The following DENND4A variants were observed in gnomAD, a reference collection of about 807,000 sequenced individuals.
The protein encoded by DENND4A is C-myc promoter-binding protein.
Under a neutral mutation model 199.3 loss-of-function variants are expected in DENND4A, and 70 were observed. The ratio of observed to expected loss-of-function variants is 0.35; its 90% CI spans 0.29 to 0.43. The LOEUF (loss-of-function observed/expected upper bound fraction) is 0.43, where lower values mean the gene tolerates loss of function less well. DENND4A is among the 20% of genes least tolerant of loss of function. The probability of loss-of-function intolerance (pLI) is 1.00; values close to 1 mark genes in which losing one functional copy is unlikely to be tolerated. For missense variants in DENND4A, 1,723 were observed against 2,255.8 expected (o/e 0.76, Z 4.78); for synonymous variants, 686 against 766.9 (o/e 0.89, Z 1.74).
In DENND4A at chr15:65,717,930, C is replaced by G; in HGVS notation, c.1655G>C (p.Gly552Ala). The G allele has an allele frequency of 6.2e-7, 1 of 1,609,612 alleles. No homozygotes were observed. The highest frequency in any genetic ancestry group is 1.7e-5 in the Admixed American group (1 of 59,350). Residue 552 changes from glycine to alanine, a missense_variant, in exon 13 of 33, where the codon GGA becomes GCA. By Grantham distance (60) the Gly-to-Ala change is moderately conservative. This residue lies in a region of DENND4A where 725 missense variants were observed against 952.9 expected (regional missense o/e 0.76). Transcript: ENST00000443035. ...LAINDYDFNSGKRLHMIDLEI... is the reference protein window; with the variant it reads ...LAINDYDFNSAKRLHMIDLEI... Reference sequence around the variant, plus strand: ...CAAATCTATCATGTGCAACCTCTTTCCAGAATTAAAATCATAGTCATTTAT... The same window carrying G: ...CAAATCTATCATGTGCAACCTCTTTGCAGAATTAAAATCATAGTCATTTAT...
At chr15:65,739,990 G>T (rs2076213229) in intron 5 of DENND4A, among the ~76,000 whole-genome samples, 3 of 152,100 alleles carry the variant, frequency 2.0e-5, no homozygotes, top group Non-Finnish European at 4.4e-5. Context: ...AGACCAGCCT[G>T]GACAACACGG....
chr15:65,738,334 T>C (rs2076168135), intron 6 of DENND4A, among the ~76,000 whole-genome samples: 1 of 152,260 alleles, frequency 6.6e-6, no homozygotes, highest in Admixed American at 6.5e-5. Flanking sequence ...AATTTCCCTA[T>C]CCATAAAATG....
intron 17 of DENND4A, 137 bp from the exon 18 acceptor site, chr15:65,702,027 G>T: frequency 8.0e-7 from 1 of 1,246,550 alleles, no homozygotes; most frequent in Non-Finnish European, 1.1e-6. Flanking sequence ...TTTTGGGAGG[G>T]CAAGGCAGGT....
intron 12 of DENND4A, among the ~76,000 whole-genome samples, chr15:65,720,060 C>T (rs1253210864): frequency 6.6e-6 from 1 of 152,154 alleles, no homozygotes. Context: ...AAACTACATA[C>T]AACACCTGAT....
At chr15:65,753,798 T>C (rs1372663145) in intron 3 of DENND4A, 3 of 151,786 alleles carry the variant, frequency 2.0e-5, no homozygotes, top group African/African-American at 7.3e-5. Flanking sequence ...AAATAAAATA[T>C]AATGCCAAAA....
At chr15:65,762,693 A>G (rs2076881958) in intron 1 of DENND4A, among the ~76,000 whole-genome samples, 1 of 152,226 alleles carries the variant, frequency 6.6e-6, no homozygotes, top group African/African-American at 2.4e-5. Flanking sequence ...ATAATTCGGT[A>G]TAACTTTATA....
intron 18 of DENND4A, 61 bp from the exon 19 acceptor site, chr15:65,701,253 G>T: frequency 3.0e-6 from 4 of 1,342,874 alleles, no homozygotes; most frequent in Non-Finnish European, 3.0e-6. Context: ...ACATATATTG[G>T]TTTCAGAATT....
intron 1 of DENND4A, among the ~76,000 whole-genome samples, chr15:65,784,667 T>C (rs1247976276): frequency 6.6e-6 from 1 of 152,118 alleles, no homozygotes; most frequent in Non-Finnish European, 1.5e-5. Context: ...TTGTGCAAAA[T>C]AATCTCAACA....
intron 1 of DENND4A, chr15:65,772,133 C>G (rs1192781543): frequency 3.8e-6 from 3 of 783,022 alleles, no homozygotes; most frequent in Middle Eastern, 2.3e-4. Flanking sequence ...CATCCCTGTT[C>G]CCCTCCATAG....
intron 20 of DENND4A, among the ~76,000 whole-genome samples, chr15:65,699,926 C>T (rs2077290912): frequency 6.6e-6 from 1 of 151,868 alleles, no homozygotes; most frequent in African/African-American, 2.4e-5. Flanking sequence ...GAACCACCCA[C>T]CTTAGCTTCC....
intron 14 of DENND4A, chr15:65,715,066 G>A (rs12161932): frequency 0.2 from 30,906 of 156,032 alleles, 4,116 homozygotes; most frequent in East Asian, 0.73. Context: ...GAACTCATTC[G>A]CAATTGTAGA....
intron 1 of DENND4A, among the ~76,000 whole-genome samples, chr15:65,790,094 C>T (rs1277158799): frequency 1.3e-5 from 2 of 152,108 alleles, no homozygotes; most frequent in Admixed American, 1.3e-4. Context: ...TACAATTCTG[C>T]CATAATTTTT....
intron 8 of DENND4A, among the ~76,000 whole-genome samples, chr15:65,732,182 G>A (rs2075979006): frequency 6.6e-6 from 1 of 152,076 alleles, no homozygotes; most frequent in African/African-American, 2.4e-5. Context: ...AATATTTAGT[G>A]TATGACCAAT....
chr15:65,666,422 G>A (rs2076040483), intron 29 of DENND4A, among the ~76,000 whole-genome samples: 1 of 151,980 alleles, frequency 6.6e-6, no homozygotes, highest in Admixed American at 6.6e-5. Context: ...CCGAACAAAG[G>A]GATGATTCAC....
rs2074902906 is a variant in DENND4A, at chr15:65,702,338, T to G, written c.2397A>C (p.Lys799Asn). ...GTGGATCCATCTTCTTTGACTGCAT[T>G]TTTTTAAGCACATCATATGCTGTTT... ...ALKTAYDVLK[K>N]MQSKKMDPPD... The change falls in exon 17 of 33, where the codon AAA (lysine) becomes AAC (asparagine). Residue 799 changes from lysine to asparagine, a missense_variant. Physicochemically the swap from Lys to Asn is moderately conservative, Grantham distance 94. This residue lies in a region of DENND4A where 725 missense variants were observed against 952.9 expected (regional missense o/e 0.76). Transcript: ENST00000443035. 2 of 1,552,462 alleles carry G rather than the reference T, an allele frequency of 1.3e-6. No homozygotes were observed. Among genetic ancestry groups the G allele is most frequent in the African/African-American group, 2.7e-5 (2 of 73,180 alleles).
chr15:65,748,847 G>A (rs1018965571), intron 4 of DENND4A, among the ~76,000 whole-genome samples: 1 of 151,480 alleles, frequency 6.6e-6, no homozygotes, highest in Non-Finnish European at 1.5e-5. Flanking sequence ...TTAGCCAGAT[G>A]TGGTGGTGCA....
chr15:65,715,133 C>A, intron 14 of DENND4A: 1 of 180,454 alleles, frequency 5.5e-6, no homozygotes, highest in Non-Finnish European at 1.1e-5. Flanking sequence ...ATGTGATAAC[C>A]CATATCAGAC....
At chr15:65,766,202 G>A (rs2076980741) in intron 1 of DENND4A, among the ~76,000 whole-genome samples, 1 of 145,456 alleles carries the variant, frequency 6.9e-6, no homozygotes, top group African/African-American at 2.6e-5. Context: ...GGTGAGCTGA[G>A]ATCAGGCCAC....
At chr15:65,741,880 T>G (rs2076270898) in intron 4 of DENND4A, 96 bp from the exon 5 acceptor site, 4 of 846,136 alleles carry the variant, frequency 4.7e-6, no homozygotes, top group Non-Finnish European at 6.9e-6. Context: ...TATTATCTAA[T>G]ATGTAGTAAC....
Sources: allele counts gnomAD v4.1 joint callset (sites outside exome capture counted in the v4.1 genomes callset), GRCh38; gene constraint gnomAD v4.1.1; regional missense constraint gnomAD v4.1.1; transcripts MANE v1.5; gene names NCBI Gene and HGNC (gene_info 2026-07-23, HGNC 2026-07-21).